The following MAPKAP1 variants were observed in gnomAD, a reference collection of about 807,000 sequenced individuals.
The protein encoded by MAPKAP1 is MAPK associated protein 1.
In MAPKAP1, 20 loss-of-function variants were observed where a neutral mutation model predicts 65.7. The ratio of observed to expected loss-of-function variants is 0.30; its 90% CI spans 0.21 to 0.44. MAPKAP1 has a LOEUF of 0.44. MAPKAP1 is among the 20% of genes least tolerant of loss of function. The probability of loss-of-function intolerance (pLI) is 1.00; values close to 1 mark genes in which losing one functional copy is unlikely to be tolerated. For synonymous variants in MAPKAP1, 222 were observed against 244.3 expected, an observed-to-expected ratio of 0.91 and a Z score of 0.85; for missense variants, 423 against 648.0, an observed-to-expected ratio of 0.65 and a Z score of 3.77.
At chr9:125,457,788 G>A (rs1250032375) in intron 10 of MAPKAP1, among the ~76,000 whole-genome samples, 1 of 152,222 alleles carries the variant, frequency 6.6e-6, no homozygotes. Flanking sequence ...ACTCTGGTTA[G>A]CCAGAACTCT....
chr9:125,632,815 C>T (rs1833324716), intron 4 of MAPKAP1, among the ~76,000 whole-genome samples: 1 of 152,166 alleles, frequency 6.6e-6, no homozygotes, highest in Non-Finnish European at 1.5e-5. Flanking sequence ...CTCTGTGCCT[C>T]GTCTCTCAGC....
intron 6 of MAPKAP1, among the ~76,000 whole-genome samples, chr9:125,547,517 C>T (rs189263395): frequency 1.3e-5 from 2 of 152,308 alleles, no homozygotes; most frequent in East Asian, 3.9e-4. Flanking sequence ...TGCCAAGCAC[C>T]TCACACTATG....
chr9:125,577,561 G>GC (rs1319860019), intron 5 of MAPKAP1, among the ~76,000 whole-genome samples: 1 of 131,112 alleles, frequency 7.6e-6, no homozygotes, highest in Non-Finnish European at 1.7e-5. Flanking sequence ...CAGGAGGGAG[G>GC]TGGGGGGGTC....
At chr9:125,452,666 A>G (rs1852998259) in intron 10 of MAPKAP1, among the ~76,000 whole-genome samples, 1 of 151,848 alleles carries the variant, frequency 6.6e-6, no homozygotes, top group Non-Finnish European at 1.5e-5. Flanking sequence ...CTGTAATCCC[A>G]GCACTTTGGG....
intron 1 of MAPKAP1, among the ~76,000 whole-genome samples, chr9:125,692,026 T>C (rs961761249): frequency 9.2e-5 from 14 of 152,170 alleles, no homozygotes; most frequent in African/African-American, 2.9e-4. Context: ...CTGAGGAGAA[T>C]AGAAGCAGAA....
At chr9:125,520,217 G>A (rs182609833) in intron 7 of MAPKAP1, among the ~76,000 whole-genome samples, 5 of 152,300 alleles carry the variant, frequency 3.3e-5, no homozygotes, top group Admixed American at 2.6e-4. Context: ...GTTAATACAA[G>A]TAAAACGTGT....
At chr9:125,455,284 A>G (rs960375223) in intron 10 of MAPKAP1, among the ~76,000 whole-genome samples, 4 of 152,146 alleles carry the variant, frequency 2.6e-5, no homozygotes, top group African/African-American at 9.7e-5. Flanking sequence ...GAATTATATA[A>G]TAAGTGTAGA....
At chr9:125,540,636 G>A (rs938873335) in intron 7 of MAPKAP1, among the ~76,000 whole-genome samples, 14 of 152,332 alleles carry the variant, frequency 9.2e-5, no homozygotes, top group African/African-American at 3.4e-4. Context: ...TCCCAGACAT[G>A]GGGCATGGTA....
chr9:125,653,503 T>C (rs986254868), intron 4 of MAPKAP1, among the ~76,000 whole-genome samples: 10 of 152,134 alleles, frequency 6.6e-5, no homozygotes, highest in Non-Finnish European at 2.9e-5. Flanking sequence ...AGGGAGAACA[T>C]GTCTCACATG....
chr9:125,484,807 C>T (rs184799428), intron 8 of MAPKAP1, among the ~76,000 whole-genome samples: 2 of 152,230 alleles, frequency 1.3e-5, no homozygotes, highest in African/African-American at 4.8e-5. Context: ...CTTGGCTGGG[C>T]AGCAGGGATG....
At chr9:125,587,874 A>C (rs1831835309) in intron 4 of MAPKAP1, among the ~76,000 whole-genome samples, 1 of 152,214 alleles carries the variant, frequency 6.6e-6, no homozygotes, top group South Asian at 2.1e-4. Flanking sequence ...ATAATTTAAA[A>C]AAGGCAAAAA....
At chr9:125,465,307 A>G (rs1853633051) in intron 10 of MAPKAP1, among the ~76,000 whole-genome samples, 1 of 152,242 alleles carries the variant, frequency 6.6e-6, no homozygotes, top group Non-Finnish European at 1.5e-5. Flanking sequence ...AAACTTATGA[A>G]ATATAGTGAC....
rs533650688 is a variant in MAPKAP1, at chr9:125,686,104, C to A, written c.-69-13461G>T. ...AGCTGAGGTGGGCAGAACACAAGGTCAGGAGATCGAGACCATCCTGGCTAA... is the reference window on the plus strand; with the variant it reads ...AGCTGAGGTGGGCAGAACACAAGGTAAGGAGATCGAGACCATCCTGGCTAA... On this transcript the variant is annotated intron_variant, in intron 1 of 11. Coordinates refer to ENST00000265960, the MANE Select transcript of MAPKAP1 (RefSeq NM_001006617.3). Among the ~76,000 whole-genome samples, 3 of 152,104 alleles carry A rather than the reference C, an allele frequency of 2.0e-5. No individual in the cohort carries two copies. In the South Asian group the frequency reaches 6.2e-4, roughly 32 times the overall value.
chr9:125,529,676 ACTTT>A (rs2133135796), intron 7 of MAPKAP1, among the ~76,000 whole-genome samples: 1 of 152,298 alleles, frequency 6.6e-6, no homozygotes, highest in East Asian at 1.9e-4. Flanking sequence ...CATCTCACTG[ACTTT>A]CTGTTTGAAA....
At chr9:125,443,843 C>A (rs570607097) in intron 11 of MAPKAP1, among the ~76,000 whole-genome samples, 1 of 152,070 alleles carries the variant, frequency 6.6e-6, no homozygotes, top group Non-Finnish European at 1.5e-5. Flanking sequence ...GCTCTCCCTG[C>A]CTCCATACCT....
chr9:125,493,701 C>T (rs896685155), intron 8 of MAPKAP1, among the ~76,000 whole-genome samples: 9 of 152,218 alleles, frequency 5.9e-5, no homozygotes, highest in East Asian at 5.8e-4. Context: ...ACAACTGTGA[C>T]GGTGGCTAAC....
At chr9:125,705,275 G>A (rs1230510352) in intron 1 of MAPKAP1, among the ~76,000 whole-genome samples, 3 of 152,166 alleles carry the variant, frequency 2.0e-5, no homozygotes, top group Admixed American at 1.3e-4. Context: ...TTGAATCCTG[G>A]CTCTGTCTCC....
At chr9:125,524,351 A>G (rs181810781) in intron 7 of MAPKAP1, among the ~76,000 whole-genome samples, 7 of 152,390 alleles carry the variant, frequency 4.6e-5, no homozygotes, top group Admixed American at 6.5e-5. Context: ...GTTATTATAC[A>G]GATTAAATGA....
chr9:125,661,246 A>T (rs1241459956), intron 3 of MAPKAP1, among the ~76,000 whole-genome samples: 1 of 152,248 alleles, frequency 6.6e-6, no homozygotes, highest in Non-Finnish European at 1.5e-5. Context: ...AGCATGAAAC[A>T]GCGAAAGTCC....
Sources: gnomAD v4.1 joint callset for allele counts (sites outside exome capture counted in the v4.1 genomes callset) on GRCh38, gnomAD v4.1.1 for gene constraint, MANE v1.5 for transcripts, NCBI Gene and HGNC (gene_info 2026-07-23, HGNC 2026-07-21) for gene names.